Variants in TNFRSF8 observed in about 807,000 individuals in gnomAD.
TNFRSF8 encodes TNF receptor superfamily member 8.
Under a neutral mutation model 70.8 loss-of-function variants are expected in TNFRSF8, and 26 were observed. The ratio of observed to expected loss-of-function variants is 0.37; its 90% CI spans 0.27 to 0.51. The LOEUF is 0.51. Among genes scored for constraint, TNFRSF8 ranks in the 20% least tolerant of loss-of-function variants. The pLI is 0.94. For missense variants in TNFRSF8, 720 were observed against 807.9 expected, an observed-to-expected ratio of 0.89 and a Z score of 1.32; for synonymous variants, 356 against 339.2, an observed-to-expected ratio of 1.05 and a Z score of -0.54.
At chr1:12,121,253 A>G (rs1358701033) in intron 8 of TNFRSF8, among the ~76,000 whole-genome samples, 2 of 152,230 alleles carry the variant, frequency 1.3e-5, no homozygotes, top group Non-Finnish European at 2.9e-5. Flanking sequence ...TTCCCCAAAG[A>G]GGGGGGTTCC....
chr1:12,118,736 C>T (rs1641778142), intron 8 of TNFRSF8, among the ~76,000 whole-genome samples: 1 of 152,240 alleles, frequency 6.6e-6, no homozygotes, highest in African/African-American at 2.4e-5. Flanking sequence ...CCTGCCCTGC[C>T]ATCAACGATG....
At chr1:12,120,601 TA>T (rs1363414629) in intron 8 of TNFRSF8, among the ~76,000 whole-genome samples, 1 of 152,228 alleles carries the variant, frequency 6.6e-6, no homozygotes, top group Non-Finnish European at 1.5e-5. Context: ...GACAATTCTT[TA>T]AATGGCCCAA....
Position 12,102,219 on chromosome 1 carries a change from G to T in TNFRSF8, c.269-2160G>T, listed in dbSNP as rs577070007. Among the ~76,000 whole-genome samples the T allele has an allele frequency of 1.7e-4, 26 of 152,114 alleles. No homozygotes were observed. In the South Asian group the frequency reaches 5.2e-3, roughly 30 times the overall value. On this transcript the variant is annotated intron_variant, in intron 3 of 14. Transcript: ENST00000263932. ...CATGATGCCGGTGGTCTGCGAATGG[G>T]GCTTCTGAAACCCACCTCTGAGGGC...
intron 8 of TNFRSF8, among the ~76,000 whole-genome samples, chr1:12,121,207 C>T (rs1332461160): frequency 6.6e-6 from 1 of 152,254 alleles, no homozygotes; most frequent in African/African-American, 2.4e-5. Context: ...CCATAGTCTC[C>T]AGGCTCCAGC....
chr1:12,114,189 A>C (rs1480892251), intron 7 of TNFRSF8, among the ~76,000 whole-genome samples: 1 of 152,122 alleles, frequency 6.6e-6, no homozygotes, highest in Non-Finnish European at 1.5e-5. Flanking sequence ...CAGGTTTCCT[A>C]ACCTCTCTGT....
At chr1:12,098,069 T>C (rs1641360790) in intron 3 of TNFRSF8, among the ~76,000 whole-genome samples, 1 of 152,194 alleles carries the variant, frequency 6.6e-6, no homozygotes, top group South Asian at 2.1e-4. Context: ...TGTTATTAGG[T>C]ACATAAATGT....
At chr1:12,139,077 T>G (rs920942657) in intron 14 of TNFRSF8, among the ~76,000 whole-genome samples, 1 of 141,868 alleles carries the variant, frequency 7.0e-6, no homozygotes, top group Non-Finnish European at 1.5e-5. Context: ...GGCTTTGGCC[T>G]CCTGTGGGCC....
intron 12 of TNFRSF8, among the ~76,000 whole-genome samples, chr1:12,129,200 A>G (rs1041666315): frequency 6.6e-6 from 1 of 152,142 alleles, no homozygotes; most frequent in African/African-American, 2.4e-5. Flanking sequence ...AGGGAGATTT[A>G]GGTTGAAAGA....
chr1:12,123,568 C>T, intron 9 of TNFRSF8, 147 bp from the exon 10 acceptor site: 1 of 893,392 alleles, frequency 1.1e-6, no homozygotes, highest in Non-Finnish European at 1.7e-6. Context: ...CCAGTCCCTG[C>T]CCTCAAAATG....
At chr1:12,065,335 G>A (rs767428633) in intron 1 of TNFRSF8, among the ~76,000 whole-genome samples, 3 of 151,662 alleles carry the variant, frequency 2.0e-5, no homozygotes, top group Non-Finnish European at 2.9e-5. Context: ...CTTCCGTCTC[G>A]GCCTCCCAAA....
intron 1 of TNFRSF8, among the ~76,000 whole-genome samples, chr1:12,081,335 C>G (rs1179532430): frequency 6.6e-6 from 1 of 152,126 alleles, no homozygotes; most frequent in Non-Finnish European, 1.5e-5. Context: ...TGTTCCCACA[C>G]TCAGCAGGCC....
rs1641639970 is a variant in TNFRSF8 at position 12,111,940 on chromosome 1, G to A, written c.719G>A (p.Cys240Tyr). The change falls in exon 7 of 15, where the codon TGC becomes TAC. Residue 240 changes from cysteine (C) to tyrosine (Y), a missense_variant. Cys to Tyr is a radical substitution (Grantham distance 194). Coordinates refer to ENST00000263932, the MANE Select transcript of TNFRSF8 (RefSeq NM_001243.5). ...CCATGCCCAGAGGGGTCTGGTGATTGCAGAAAGCAGTGTGAGCCCGACTAC... is the reference window on the plus strand; with the variant it reads ...CCATGCCCAGAGGGGTCTGGTGATTACAGAAAGCAGTGTGAGCCCGACTAC... ...TQPCPEGSGDCRKQCEPDYYL... is the reference protein window; with the variant it reads ...TQPCPEGSGDYRKQCEPDYYL... The A allele has an allele frequency of 6.2e-7, 1 of 1,614,104 alleles. No homozygotes were observed. The highest frequency in any genetic ancestry group is 8.5e-7 in the Non-Finnish European group (1 of 1,180,046).
intron 2 of TNFRSF8, among the ~76,000 whole-genome samples, chr1:12,087,074 TATCCATCCATCCATCCATCCATCC>T (rs57832338): frequency 1.6e-4 from 18 of 115,376 alleles, no homozygotes; most frequent in African/African-American, 3.6e-4. Context: ...TCTACCTTTC[TATCCATCCATCCATCCATCCATCC>T]ATCCATCCAT....
Position 12,109,724 on chromosome 1 carries a change from C to G in TNFRSF8, c.512+68C>G. ...TTTCAGATGAGGCTGCCCCACCCCA[C>G]AGGACGCCCATGGTACAACTGGGCT... On this transcript the variant is annotated intron_variant, in intron 5 of 14. Coordinates refer to ENST00000263932, the MANE Select transcript of TNFRSF8 (RefSeq NM_001243.5). This position sits in a 1 kb window ranked among gnomAD's most constrained non-coding sequence, Gnocchi z 4.4. 1 of 1,360,336 alleles carries G rather than the reference C, an allele frequency of 7.4e-7. No individual in the cohort carries two copies. 84.3% of individuals were successfully genotyped at this position (1,360,336 alleles called of 1,614,324 possible). A position where few individuals can be genotyped will look rare whatever the true frequency, so the allele number is the denominator to read the frequency against.
chr1:12,142,306 G>A lies in TNFRSF8; in HGVS notation c.1563G>A (p.Lys521=). Residue 521 remains lysine, a synonymous_variant, in exon 15 of 15, where the codon AAG becomes AAA. Coordinates refer to ENST00000263932, the MANE Select transcript of TNFRSF8 (RefSeq NM_001243.5). This position sits in a 1 kb window ranked among gnomAD's most constrained non-coding sequence, Gnocchi z 5.0. The stretch of plus-strand genomic sequence containing the variant: ...TTGCAGAGAAAATCTACATCATGAA[G>A]GCTGACACCGTGATCGTGGGGACCG... ...NNKIEKIYIM[K]ADTVIVGTVK... 6.3e-7 allele frequency: 1 copy of A among 1,599,892 alleles called. No individual in the cohort carries two copies. The highest frequency in any genetic ancestry group is 8.5e-7 in the Non-Finnish European group (1 of 1,172,796).
Position 12,115,614 on chromosome 1 carries a change from C to T in TNFRSF8, c.831C>T (p.Ser277=). ...AGAAGACGCCATGTGCATGGAACTC[C>T]TCCCGCACCTGCGAATGTCGACCTG... is the stretch of plus-strand genomic sequence containing the variant. The part of the protein sequence containing the change: ...LVEKTPCAWN[S]SRTCECRPGM... Residue 277 remains serine (S), a synonymous_variant, in exon 8 of 15, where the codon TCC becomes TCT. Transcript: ENST00000263932. 1 of 1,614,198 alleles carries T rather than the reference C, an allele frequency of 6.2e-7. No individual in the cohort carries two copies. Among genetic ancestry groups the T allele is most frequent in the Non-Finnish European group, 8.5e-7 (1 of 1,180,030 alleles).
intron 1 of TNFRSF8, among the ~76,000 whole-genome samples, chr1:12,064,283 G>C (rs1345507561): frequency 2.0e-5 from 3 of 152,224 alleles, no homozygotes; most frequent in African/African-American, 7.2e-5. Context: ...GAAGGTCAGT[G>C]GTGGGGCTGA....
At chr1:12,068,375 G>A (rs1271116320) in intron 1 of TNFRSF8, among the ~76,000 whole-genome samples, 1 of 152,164 alleles carries the variant, frequency 6.6e-6, no homozygotes, top group Non-Finnish European at 1.5e-5. Flanking sequence ...GAGGCCCAGA[G>A]GTAGGGGAGA....
Position 12,073,950 on chromosome 1 carries a change from G to C in TNFRSF8, c.63+10289G>C, listed in dbSNP as rs890552836. ...TCCCGTGGCGGCTGTTGCTGCCCGGGAACGTACTTCAGGGCTGGGTGGGTT... is the reference window on the plus strand; with the variant it reads ...TCCCGTGGCGGCTGTTGCTGCCCGGCAACGTACTTCAGGGCTGGGTGGGTT... On this transcript the variant is annotated intron_variant, in intron 1 of 14. Transcript: ENST00000263932. 9.2e-5 allele frequency among the ~76,000 whole-genome samples: 14 copies of C among 152,242 alleles called. 1 individual carries two copies. The Middle Eastern group carries it at 0.01, about 111-fold the overall frequency.
Sources: allele counts gnomAD v4.1 joint callset (sites outside exome capture counted in the v4.1 genomes callset), GRCh38; gene constraint gnomAD v4.1.1; non-coding constraint Gnocchi (gnomAD v3.1); transcripts MANE v1.5; gene names NCBI Gene and HGNC (gene_info 2026-07-23, HGNC 2026-07-21).